CSMD1: variants seen among roughly 807,000 people sequenced by gnomAD.
CSMD1 encodes CUB and Sushi multiple domains 1, also known as CUB and sushi domain-containing protein 1.
CSMD1 carries 213 observed loss-of-function variants against 417.5 expected under a neutral mutation model. The observed-to-expected ratio is 0.51, with a 90% confidence interval of 0.46 to 0.57. The LOEUF (loss-of-function observed/expected upper bound fraction) is 0.57, where lower values mean the gene tolerates loss of function less well. Among genes scored for constraint, CSMD1 ranks in the 20% least tolerant of loss-of-function variants. The probability of loss-of-function intolerance (pLI) is 0.00; values close to 1 mark genes in which losing one functional copy is unlikely to be tolerated. For synonymous variants in CSMD1, 2,862 were observed against 1,736.8 expected (o/e 1.65, Z -16.11); for missense variants, 6,923 against 4,529.7 (o/e 1.53, Z -15.17).
chr8:4,331,385 G>C (rs1038119114), intron 3 of CSMD1, among the ~76,000 whole-genome samples: 1 of 152,138 alleles, frequency 6.6e-6, no homozygotes, highest in Admixed American at 6.6e-5. Context: ...TTGTTGCGAG[G>C]TGTCTACAGT....
chr8:4,630,786 A>G (rs1415400882), intron 2 of CSMD1, among the ~76,000 whole-genome samples: 1 of 152,090 alleles, frequency 6.6e-6, no homozygotes, highest in African/African-American at 2.4e-5. Flanking sequence ...GTGATGTGTC[A>G]TCTGTGCTCC....
intron 6 of CSMD1, among the ~76,000 whole-genome samples, chr8:3,719,582 T>A (rs1802030436): frequency 6.6e-6 from 1 of 152,128 alleles, no homozygotes; most frequent in Non-Finnish European, 1.5e-5. Context: ...AATACATCTC[T>A]TGCAAGAGTG....
At chr8:4,186,439 C>T (rs1200272243) in intron 3 of CSMD1, among the ~76,000 whole-genome samples, 2 of 152,010 alleles carry the variant, frequency 1.3e-5, no homozygotes, top group African/African-American at 2.4e-5. Context: ...TTACAGAGCC[C>T]AGGTTTCCAC....
chr8:4,552,934 C>T (rs1374315525), intron 2 of CSMD1, among the ~76,000 whole-genome samples: 1 of 152,208 alleles, frequency 6.6e-6, no homozygotes, highest in African/African-American at 2.4e-5. Flanking sequence ...CCCAGAAGGG[C>T]CAGGCCTTCC....
At chr8:4,265,303 A>T (rs1299216539) in intron 3 of CSMD1, among the ~76,000 whole-genome samples, 1 of 152,072 alleles carries the variant, frequency 6.6e-6, no homozygotes, top group Non-Finnish European at 1.5e-5. Context: ...GAGATTAAAA[A>T]CATATACGTT....
chr8:4,436,749 C>T (rs893467543), intron 2 of CSMD1, among the ~76,000 whole-genome samples: 1 of 152,040 alleles, frequency 6.6e-6, no homozygotes, highest in Non-Finnish European at 1.5e-5. Flanking sequence ...TTTTAGATCC[C>T]ACAAATAAGT....
intron 1 of CSMD1, chr8:4,788,500 A>C: frequency 7.4e-7 from 1 of 1,353,622 alleles, no homozygotes; most frequent in Non-Finnish European, 1.1e-6. Flanking sequence ...ACAACCATTT[A>C]GTATGGAGCA....
At chr8:3,850,360 C>G (rs1452080107) in intron 5 of CSMD1, among the ~76,000 whole-genome samples, 1 of 152,208 alleles carries the variant, frequency 6.6e-6, no homozygotes, top group African/African-American at 2.4e-5. Flanking sequence ...CTTGCCTTTT[C>G]TCTTTGTCCT....
At chr8:3,715,927 T>A (rs535180449) in intron 6 of CSMD1, among the ~76,000 whole-genome samples, 2 of 152,316 alleles carry the variant, frequency 1.3e-5, no homozygotes, top group South Asian at 4.1e-4. Flanking sequence ...CTGCAGCCCC[T>A]ACTCCCTGTG....
rs1456989370 is a variant in CSMD1, at chr8:4,366,478, T to G, written c.415+53475A>C. On this transcript the variant is annotated intron_variant, in intron 3 of 69. Transcript: ENST00000635120. ...ACTGCTGGTTTAAATAGTAGTCCTG[T>G]TTTAAGTTCTTCGATAAAACTCCAC... is the stretch of plus-strand genomic sequence containing the variant. 3.9e-5 allele frequency among the ~76,000 whole-genome samples: 6 copies of G among 152,220 alleles called. No homozygotes were observed. The South Asian group carries it at 8.3e-4, about 21-fold the overall frequency.
At chr8:3,354,875 A>C (rs200480340) in intron 21 of CSMD1, among the ~76,000 whole-genome samples, 8 of 71,518 alleles carry the variant, frequency 1.1e-4, no homozygotes, top group Non-Finnish European at 1.4e-4. Flanking sequence ...AGATATACAT[A>C]TATCTATAGA....
intron 2 of CSMD1, among the ~76,000 whole-genome samples, chr8:4,613,550 C>T (rs948652480): frequency 2.6e-5 from 4 of 152,212 alleles, no homozygotes; most frequent in African/African-American, 9.6e-5. Context: ...AGCACTTTCA[C>T]ACACAATGAC....
intron 3 of CSMD1, among the ~76,000 whole-genome samples, chr8:4,052,157 T>G (rs555217692): frequency 2.6e-4 from 40 of 152,190 alleles, no homozygotes; most frequent in African/African-American, 9.4e-4. Context: ...ACTCCTGACC[T>G]GAAGTGATCC....
chr8:3,725,933 C>A (rs563470195), intron 6 of CSMD1, among the ~76,000 whole-genome samples: 1 of 152,264 alleles, frequency 6.6e-6, no homozygotes, highest in African/African-American at 2.4e-5. Flanking sequence ...TGGCCTGGAC[C>A]TAATGACTCG....
chr8:3,504,832 A>G (rs1460959614), intron 10 of CSMD1, among the ~76,000 whole-genome samples: 1 of 152,196 alleles, frequency 6.6e-6, no homozygotes, highest in African/African-American at 2.4e-5. Context: ...AAATTTCAAG[A>G]GAGTAGCAAG....
At chr8:4,530,868 G>C (rs1344304356) in intron 2 of CSMD1, among the ~76,000 whole-genome samples, 1 of 151,964 alleles carries the variant, frequency 6.6e-6, no homozygotes, top group Non-Finnish European at 1.5e-5. Context: ...TCACAAAGAA[G>C]TAAAGTCAGC....
At chr8:3,706,797 T>G (rs1314273089) in intron 7 of CSMD1, among the ~76,000 whole-genome samples, 1 of 152,202 alleles carries the variant, frequency 6.6e-6, no homozygotes, top group African/African-American at 2.4e-5. Flanking sequence ...TATATCTCCC[T>G]CTACAGAACA....
chr8:3,809,646 C>T (rs577756812), intron 5 of CSMD1, among the ~76,000 whole-genome samples: 63 of 152,290 alleles, frequency 4.1e-4, no homozygotes, highest in African/African-American at 1.5e-3. Context: ...TAAGAATTCT[C>T]ATTCTAACAT....
intron 3 of CSMD1, among the ~76,000 whole-genome samples, chr8:4,036,993 G>C (rs1277847671): frequency 7.3e-6 from 1 of 137,916 alleles, no homozygotes; most frequent in Non-Finnish European, 1.6e-5. Flanking sequence ...GTGTGTGTGT[G>C]TGTGATCCTG....
Sources: allele counts gnomAD v4.1 joint callset (sites outside exome capture counted in the v4.1 genomes callset), GRCh38; gene constraint gnomAD v4.1.1; transcripts MANE v1.5; gene names NCBI Gene and HGNC (gene_info 2026-07-23, HGNC 2026-07-21).